Variants in SEL1L2 observed in about 807,000 individuals in gnomAD.
SEL1L2 encodes the protein SEL1L2 adaptor subunit of SYVN1 ubiquitin ligase.
SEL1L2 carries 89 observed loss-of-function variants against 98.8 expected under a neutral mutation model. The observed-to-expected ratio is 0.90, with a 90% CI of 0.76 to 1.07. The LOEUF is 1.07. Ranked by LOEUF, SEL1L2 falls within the 50% of genes least tolerant of loss-of-function variation. SEL1L2 has a pLI of 0.00. For missense variants in SEL1L2, 788 were observed against 812.0 expected (o/e 0.97, Z 0.36); for synonymous variants, 262 against 278.5 (o/e 0.94, Z 0.59).
chr20:13,931,813 G>GT (rs779431758), intron 2 of SEL1L2, 42 bp from the exon 3 acceptor site: 5 of 1,409,464 alleles, frequency 3.5e-6, no homozygotes, highest in South Asian at 1.6e-5. Flanking sequence ...TCATGTGTGA[G>GT]TTTTTTTCAA....
intron 1 of SEL1L2, among the ~76,000 whole-genome samples, chr20:13,962,048 A>T (rs1253500658): frequency 6.6e-6 from 1 of 152,230 alleles, no homozygotes; most frequent in African/African-American, 2.4e-5. Context: ...CATACAGACC[A>T]TGAGATGATG....
chr20:13,913,778 T>C lies in SEL1L2; in HGVS notation c.549+4A>G. ...TTAAGGTTTCATTTTCCTTCAAAACTCACGTTTTGGGCTTTACATGATCCT... is the reference window on the plus strand; with the variant it reads ...TTAAGGTTTCATTTTCCTTCAAAACCCACGTTTTGGGCTTTACATGATCCT... On this transcript the variant is annotated splice_donor_region_variant and intron_variant, in intron 5 of 19. Transcript: ENST00000284951. 4 of 1,510,568 alleles carry C rather than the reference T, an allele frequency of 2.6e-6. No homozygotes were observed. Among genetic ancestry groups the C allele is most frequent in the Non-Finnish European group, 3.5e-6 (4 of 1,139,998 alleles). The allele number at this position is 1,510,568 out of a possible 1,614,324, so 93.6% of individuals were successfully genotyped here. A position where few individuals can be genotyped will look rare whatever the true frequency, so the allele number is the denominator to read the frequency against.
At chr20:13,935,187 G>T (rs1015712441) in intron 2 of SEL1L2, among the ~76,000 whole-genome samples, 2 of 152,104 alleles carry the variant, frequency 1.3e-5, no homozygotes, top group African/African-American at 2.4e-5. Flanking sequence ...AAGTATTAGG[G>T]AGCCTTGGAA....
At chr20:13,953,475 C>G (rs181938902) in intron 2 of SEL1L2, among the ~76,000 whole-genome samples, 109 of 152,240 alleles carry the variant, frequency 7.2e-4, no homozygotes, top group African/African-American at 2.5e-3. Flanking sequence ...TTATCCTTAT[C>G]CTTATTTTAA....
intron 10 of SEL1L2, among the ~76,000 whole-genome samples, chr20:13,882,560 G>T (rs551270835): frequency 6.6e-6 from 1 of 152,104 alleles, no homozygotes; most frequent in African/African-American, 2.4e-5. Flanking sequence ...AGTCATTCTC[G>T]CAGTCACAGA....
Position 13,886,417 on chromosome 20 carries a change from T to C in SEL1L2, c.771A>G (p.Glu257=), listed in dbSNP as rs2046959025. The change falls in exon 9 of 20, where the codon GAA becomes GAG. Residue 257 remains glutamate, a synonymous_variant. Coordinates refer to ENST00000284951, the MANE Select transcript of SEL1L2 (RefSeq NM_025229.2). ...DYIADTFEKS[E]GVPVEKVRLT... is the part of the protein sequence containing the mutation. Reference sequence around the variant, plus strand: ...GTCTCACTTTTTCCACTGGAACACCTTCACTTTTTTCAAATGTGTCAGCAA... The same window carrying C: ...GTCTCACTTTTTCCACTGGAACACCCTCACTTTTTTCAAATGTGTCAGCAA... The C allele has an allele frequency of 8.1e-6, 13 of 1,613,750 alleles. No individual in the cohort carries two copies. The highest frequency in any genetic ancestry group is 1.1e-5 in the Non-Finnish European group (13 of 1,179,930).
chr20:13,890,364 G>A (rs1393481043), intron 5 of SEL1L2, among the ~76,000 whole-genome samples: 1 of 151,694 alleles, frequency 6.6e-6, no homozygotes, highest in Non-Finnish European at 1.5e-5. Flanking sequence ...ACCACAGACA[G>A]AAGGAGAAAG....
At chr20:13,952,926 A>G (rs1021592156) in intron 2 of SEL1L2, among the ~76,000 whole-genome samples, 1 of 152,102 alleles carries the variant, frequency 6.6e-6, no homozygotes, top group Non-Finnish European at 1.5e-5. Flanking sequence ...CTACTCTGGA[A>G]GCTGAGGCGG....
At chr20:13,849,942 G>T in intron 19 of SEL1L2, 8 of 557,144 alleles carry the variant, frequency 1.4e-5, no homozygotes, top group Non-Finnish European at 2.6e-5. Context: ...TGTGCTTAAG[G>T]CTTTGAATGT....
chr20:13,903,669 C>G (rs1414735823), intron 5 of SEL1L2, among the ~76,000 whole-genome samples: 1 of 152,072 alleles, frequency 6.6e-6, no homozygotes, highest in Middle Eastern at 3.4e-3. Context: ...AAAAATTAGG[C>G]AGGCATGGTG....
intron 1 of SEL1L2, among the ~76,000 whole-genome samples, chr20:13,986,135 G>T (rs1186085680): frequency 2.0e-5 from 3 of 151,968 alleles, no homozygotes; most frequent in African/African-American, 7.3e-5. Flanking sequence ...AATTCTCTTG[G>T]ATATATACCT....
chr20:13,914,021 A>G (rs1315093454), intron 4 of SEL1L2, 77 bp from the exon 5 acceptor site: 2 of 1,262,960 alleles, frequency 1.6e-6, no homozygotes, highest in African/African-American at 1.6e-5. Context: ...TATTCATACT[A>G]CTTCTCTCTA....
intron 10 of SEL1L2, among the ~76,000 whole-genome samples, chr20:13,882,520 A>G (rs1288827831): frequency 6.6e-6 from 1 of 152,204 alleles, no homozygotes; most frequent in Non-Finnish European, 1.5e-5. Flanking sequence ...CCAGTTGGCT[A>G]AAGCATGAGA....
At position 13,919,059 on chromosome 20, in the gene SEL1L2, C is replaced by T; in HGVS notation, c.348G>A (p.Lys116=). The change falls in exon 4 of 20, where the codon AAG becomes AAA. Residue 116 remains lysine, a synonymous_variant. Transcript: ENST00000284951. The part of the protein sequence containing the change: ...EGDQLFKMGI[K]VLQQSKSQKQ... The stretch of plus-strand genomic sequence containing the variant: ...TTTGGCTTTTAGACTGCTGGAGAAC[C>T]TTGATGCCCATCTTAAATAGCTGGT... The T allele has an allele frequency of 6.2e-7, 1 of 1,613,846 alleles. No homozygotes were observed. Among genetic ancestry groups the T allele is most frequent in the Non-Finnish European group, 8.5e-7 (1 of 1,179,878 alleles).
intron 5 of SEL1L2, among the ~76,000 whole-genome samples, chr20:13,900,565 T>C (rs1767864414): frequency 1.3e-5 from 2 of 152,310 alleles, no homozygotes; most frequent in South Asian, 4.1e-4. Flanking sequence ...CGAACTCTTA[T>C]TGTTATAATC....
chr20:13,924,278 TTTTG>T, intron 3 of SEL1L2, among the ~76,000 whole-genome samples: 1 of 142,506 alleles, frequency 7.0e-6, no homozygotes, highest in Non-Finnish European at 1.6e-5. Context: ...CTTGGTTTTT[TTTTG>T]TTTTTCTTTT....
chr20:13,939,553 T>A (rs1466950099), intron 2 of SEL1L2, among the ~76,000 whole-genome samples: 1 of 152,170 alleles, frequency 6.6e-6, no homozygotes, highest in African/African-American at 2.4e-5. Flanking sequence ...TTTAATAGAA[T>A]TTCAATAGCA....
chr20:13,876,120 G>T lies in SEL1L2; in HGVS notation c.1027-5C>A. ...AGCATTCCCCTCTAAATACATCTAG[G>T]AAGAAAAATGAAAAGAGGATAGAAA... On this transcript the variant is annotated splice_polypyrimidine_tract_variant and splice_region_variant and intron_variant, in intron 11 of 19. Transcript: ENST00000284951. 6.2e-7 allele frequency: 1 copy of T among 1,604,206 alleles called. No individual in the cohort carries two copies. The highest frequency in any genetic ancestry group is 8.5e-7 in the Non-Finnish European group (1 of 1,171,376).
At chr20:13,935,344 T>A (rs1287933553) in intron 2 of SEL1L2, among the ~76,000 whole-genome samples, 1 of 152,192 alleles carries the variant, frequency 6.6e-6, no homozygotes, top group East Asian at 1.9e-4. Context: ...GTCTCTGCCC[T>A]CTTGCAGCTG....
Sources: allele counts gnomAD v4.1 joint callset (sites outside exome capture counted in the v4.1 genomes callset), GRCh38; gene constraint gnomAD v4.1.1; transcripts MANE v1.5; gene names NCBI Gene and HGNC (gene_info 2026-07-23, HGNC 2026-07-21).